APBB1IP: variants seen among roughly 807,000 people sequenced by gnomAD.
APBB1IP encodes amyloid beta A4 precursor protein-binding family B member 1-interacting protein.
Under a neutral mutation model 64.9 loss-of-function variants are expected in APBB1IP, and 27 were observed. The observed-to-expected ratio is 0.42, with a 90% CI of 0.31 to 0.57. The LOEUF (loss-of-function observed/expected upper bound fraction) is 0.57, where lower values mean the gene tolerates loss of function less well. APBB1IP is among the 20% of genes least tolerant of loss of function. The pLI is 0.20. For synonymous variants in APBB1IP, 392 were observed against 331.0 expected (o/e 1.18, Z -2.00); for missense variants, 812 against 845.5 (o/e 0.96, Z 0.49).
At chr10:26,502,250 C>A (rs60209964) in intron 5 of APBB1IP, among the ~76,000 whole-genome samples, 11,666 of 152,224 alleles carry the variant, frequency 0.077, 1,496 homozygotes, top group African/African-American at 0.26. Flanking sequence ...TTGCAAAAAT[C>A]AAAGAGCTTT....
At chr10:26,540,810 T>C (rs1261749298) in intron 10 of APBB1IP, among the ~76,000 whole-genome samples, 2 of 152,232 alleles carry the variant, frequency 1.3e-5, no homozygotes, top group Non-Finnish European at 2.9e-5. Flanking sequence ...TCTGTTTCCA[T>C]GGCAACACTG....
intron 2 of APBB1IP, among the ~76,000 whole-genome samples, chr10:26,472,588 C>CATTCATTCATTT (rs1482855595): frequency 3.3e-5 from 5 of 151,968 alleles, no homozygotes; most frequent in Non-Finnish European, 7.4e-5. Flanking sequence ...TTCATTCATT[C>CATTCATTCATTT]ATTCATTCAT....
chr10:26,537,040 G>C (rs1836633941), intron 10 of APBB1IP, among the ~76,000 whole-genome samples: 1 of 151,864 alleles, frequency 6.6e-6, no homozygotes, highest in Non-Finnish European at 1.5e-5. Flanking sequence ...CTTTTACTTG[G>C]TGATTCAGGA....
chr10:26,560,336 G>A (rs947697029), intron 12 of APBB1IP, 133 bp downstream of exon 12: 20 of 772,080 alleles, frequency 2.6e-5, no homozygotes, highest in African/African-American at 1.4e-4. Context: ...AGGTTTATTC[G>A]CCCAGTGGGT....
At chr10:26,557,094 G>T (rs1302344838) in intron 11 of APBB1IP, among the ~76,000 whole-genome samples, 1 of 152,128 alleles carries the variant, frequency 6.6e-6, no homozygotes. Flanking sequence ...TTGCTATCGG[G>T]CCATATTACC....
At chr10:26,446,526 A>C (rs1042618946) in intron 2 of APBB1IP, among the ~76,000 whole-genome samples, 1 of 152,212 alleles carries the variant, frequency 6.6e-6, no homozygotes, top group Admixed American at 6.5e-5. Context: ...CCAAGCTAAA[A>C]TGAACAGTAC....
intron 2 of APBB1IP, among the ~76,000 whole-genome samples, chr10:26,451,432 G>A (rs1233255616): frequency 6.6e-6 from 1 of 152,324 alleles, no homozygotes; most frequent in African/African-American, 2.4e-5. Flanking sequence ...GTGGATTGAA[G>A]CATTTCTCTC....
chr10:26,496,568 G>C (rs547028219), intron 4 of APBB1IP, among the ~76,000 whole-genome samples, 177 bp downstream of exon 4: 2 of 152,176 alleles, frequency 1.3e-5, no homozygotes, highest in African/African-American at 4.8e-5. Context: ...AGAGAGTCAA[G>C]AAGACATTTT....
chr10:26,564,775 CCGT>C (rs1440801061), intron 14 of APBB1IP, among the ~76,000 whole-genome samples: 2 of 151,570 alleles, frequency 1.3e-5, no homozygotes, highest in Non-Finnish European at 2.9e-5. Context: ...TGCACTCCAG[CCGT>C]GGTGACAGAA....
chr10:26,490,338 T>G (rs1054174879), intron 2 of APBB1IP, among the ~76,000 whole-genome samples: 1 of 152,110 alleles, frequency 6.6e-6, no homozygotes, highest in African/African-American at 2.4e-5. Flanking sequence ...GAAAGTATCT[T>G]TATGGGCCAG....
chr10:26,464,785 C>A (rs1017896402), intron 2 of APBB1IP, among the ~76,000 whole-genome samples: 1 of 152,168 alleles, frequency 6.6e-6, no homozygotes, highest in Non-Finnish European at 1.5e-5. Flanking sequence ...AAGTAAGTTA[C>A]TCAACATCAT....
At chr10:26,474,975 A>C (rs1484557935) in intron 2 of APBB1IP, among the ~76,000 whole-genome samples, 1 of 152,258 alleles carries the variant, frequency 6.6e-6, no homozygotes, top group Non-Finnish European at 1.5e-5. Context: ...ATGTCTATGA[A>C]GACATAACCC....
intron 2 of APBB1IP, among the ~76,000 whole-genome samples, chr10:26,457,724 A>C (rs1189514287): frequency 3.3e-5 from 5 of 152,228 alleles, no homozygotes; most frequent in African/African-American, 1.2e-4. Flanking sequence ...TGCAATGGGA[A>C]GTATAATTGC....
chr10:26,465,878 T>C (rs191142765), intron 2 of APBB1IP, among the ~76,000 whole-genome samples: 1 of 152,110 alleles, frequency 6.6e-6, no homozygotes, highest in Non-Finnish European at 1.5e-5. Flanking sequence ...CTGGAAATGG[T>C]AGGTATTAGG....
intron 2 of APBB1IP, among the ~76,000 whole-genome samples, chr10:26,457,684 G>A (rs4375347): frequency 0.4 from 60,780 of 152,072 alleles, 12,285 homozygotes; most frequent in South Asian, 0.5. Flanking sequence ...TTAAACCACC[G>A]GTAGGGCTGC....
intron 11 of APBB1IP, among the ~76,000 whole-genome samples, chr10:26,548,507 T>C (rs1217048752): frequency 1.3e-5 from 2 of 152,156 alleles, no homozygotes; most frequent in Non-Finnish European, 2.9e-5. Flanking sequence ...TCCATTTATA[T>C]CCTCTTCACC....
At chr10:26,438,886 G>A (rs913634502) in intron 2 of APBB1IP, 33 bp downstream of exon 2, 1 of 152,140 alleles carries the variant, frequency 6.6e-6, no homozygotes, top group Non-Finnish European at 1.5e-5. Flanking sequence ...GGAGCCCTGG[G>A]AGCGCCAGCA....
At chr10:26,524,780 T>C (rs1487779864) in intron 8 of APBB1IP, among the ~76,000 whole-genome samples, 1 of 151,984 alleles carries the variant, frequency 6.6e-6, no homozygotes, top group African/African-American at 2.4e-5. Flanking sequence ...TCTTATGTGA[T>C]ACTATAACAG....
Position 26,541,481 on chromosome 10 carries a change from CT to C in APBB1IP, c.1045-98del, listed in dbSNP as rs527846488. Reference sequence around the variant, plus strand: ...TAAATTACCTAAAAGTCAATATTTTCTTTACTAAAATATAATCCTTAGTTGT... The same window carrying C: ...TAAATTACCTAAAAGTCAATATTTTCTTACTAAAATATAATCCTTAGTTGT... On this transcript the variant is annotated intron_variant, in intron 10 of 14. Coordinates refer to ENST00000376236, the MANE Select transcript of APBB1IP (RefSeq NM_019043.4). 74 of 762,928 alleles carry C rather than the reference CT, an allele frequency of 9.7e-5. No individual in the cohort carries two copies. In the South Asian group the frequency reaches 1.2e-3, roughly 13 times the overall value. The allele number at this position is 762,928 out of a possible 1,614,324, so 47.3% of individuals were successfully genotyped here.
Sources: gnomAD v4.1 joint callset for allele counts (sites outside exome capture counted in the v4.1 genomes callset) on GRCh38, gnomAD v4.1.1 for gene constraint, MANE v1.5 for transcripts, NCBI Gene and HGNC (gene_info 2026-07-23, HGNC 2026-07-21) for gene names.